The following MAP3K5 variants were observed in gnomAD, a reference collection of about 807,000 sequenced individuals.
MAP3K5 encodes mitogen-activated protein kinase kinase kinase 5.
MAP3K5 carries 56 observed loss-of-function variants against 158.7 expected under a neutral mutation model. The observed-to-expected ratio is 0.35, with a 90% CI of 0.28 to 0.44. MAP3K5 has a LOEUF of 0.44. Ranked by LOEUF, MAP3K5 falls within the 20% of genes least tolerant of loss-of-function variation. The pLI, the probability that MAP3K5 is intolerant of heterozygous loss-of-function variation, is 1.00. For synonymous variants in MAP3K5, 579 were observed against 601.7 expected (o/e 0.96, Z 0.55); for missense variants, 1,294 against 1,674.8 (o/e 0.77, Z 3.97).
intron 1 of MAP3K5, among the ~76,000 whole-genome samples, chr6:136,780,975 C>T (rs1020658759): frequency 1.3e-5 from 2 of 152,028 alleles, no homozygotes; most frequent in Non-Finnish European, 2.9e-5. Context: ...CTTCTTAGTT[C>T]TTCGATACAT....
intron 1 of MAP3K5, among the ~76,000 whole-genome samples, chr6:136,753,965 G>T (rs12664803): frequency 0.36 from 54,774 of 152,106 alleles, 11,995 homozygotes; most frequent in Middle Eastern, 0.48. Context: ...AGTTCAGTTT[G>T]GTGGAAGAGG....
At chr6:136,599,828 G>A (rs983526857) in intron 21 of MAP3K5, among the ~76,000 whole-genome samples, 1 of 152,162 alleles carries the variant, frequency 6.6e-6, no homozygotes, top group Non-Finnish European at 1.5e-5. Context: ...TAGGACACCA[G>A]AAGCAGGCTG....
At chr6:136,606,894 A>G (rs541573670) in intron 18 of MAP3K5, among the ~76,000 whole-genome samples, 7 of 152,220 alleles carry the variant, frequency 4.6e-5, no homozygotes, top group Non-Finnish European at 8.8e-5. Flanking sequence ...GAAATGGACT[A>G]TTGTTTACAA....
chr6:136,612,964 G>A (rs1776408186), intron 17 of MAP3K5, among the ~76,000 whole-genome samples, 156 bp downstream of exon 17: 1 of 152,190 alleles, frequency 6.6e-6, no homozygotes, highest in African/African-American at 2.4e-5. Context: ...ATAAATAACT[G>A]ATTCAGGGTT....
rs775147229 is a variant in MAP3K5 at position 136,659,395 on chromosome 6, A to C, written c.1367-17T>G. The C allele has an allele frequency of 4.3e-6, 7 of 1,612,582 alleles. No individual in the cohort carries two copies. In the South Asian group the frequency reaches 7.7e-5, roughly 18 times the overall value. ...GCTTCACCCCTAGAATACAAACAGG[A>C]AGTAGAATGTTACAAATGCACCCCA... On this transcript the variant is annotated splice_polypyrimidine_tract_variant and intron_variant, in intron 8 of 29. Transcript: ENST00000359015.
intron 25 of MAP3K5, among the ~76,000 whole-genome samples, chr6:136,574,847 G>A (rs1774533930): frequency 6.6e-6 from 1 of 151,600 alleles, no homozygotes; most frequent in Non-Finnish European, 1.5e-5. Context: ...CCGCTACCTC[G>A]CCCGGCTAAT....
At chr6:136,776,147 A>G (rs140173502) in intron 1 of MAP3K5, among the ~76,000 whole-genome samples, 1 of 152,386 alleles carries the variant, frequency 6.6e-6, no homozygotes, top group Non-Finnish European at 1.5e-5. Flanking sequence ...GAGATACATC[A>G]ATATCTTAAT....
chr6:136,786,033 G>A (rs1056979586), intron 1 of MAP3K5, among the ~76,000 whole-genome samples: 1 of 152,134 alleles, frequency 6.6e-6, no homozygotes, highest in African/African-American at 2.4e-5. Flanking sequence ...TCACGGTTCA[G>A]TGTTTTCATA....
At chr6:136,594,232 A>G (rs1417292825) in intron 21 of MAP3K5, among the ~76,000 whole-genome samples, 1 of 152,062 alleles carries the variant, frequency 6.6e-6, no homozygotes, top group African/African-American at 2.4e-5. Context: ...CATTTCACGG[A>G]CCATATTTTG....
At chr6:136,644,106 A>C (rs1260724428) in intron 11 of MAP3K5, among the ~76,000 whole-genome samples, 2 of 152,232 alleles carry the variant, frequency 1.3e-5, no homozygotes, top group Non-Finnish European at 1.5e-5. Context: ...ACAAGACAGC[A>C]CTGGTAAAAC....
At chr6:136,724,076 A>C (rs113301649) in intron 1 of MAP3K5, among the ~76,000 whole-genome samples, 113 of 152,300 alleles carry the variant, frequency 7.4e-4, no homozygotes, top group Non-Finnish European at 1.3e-3. Flanking sequence ...GCTGGAAGAA[A>C]CCAAATAAAA....
Position 136,628,364 on chromosome 6 carries a change from C to T in MAP3K5, c.2017-5383G>A, listed in dbSNP as rs143060167. ...CTGGCCTCAACTGATCCTGCTGCCT[C>T]GGCCTCCCAACCACTGGGAGTACAG... On this transcript the variant is annotated intron_variant, in intron 14 of 29. Transcript: ENST00000359015. Among the ~76,000 whole-genome samples the T allele has an allele frequency of 7.6e-4, 116 of 151,888 alleles. No individual in the cohort carries two copies. In the South Asian group the frequency reaches 7.9e-3, roughly 10 times the overall value.
In MAP3K5 at chr6:136,601,705, T is replaced by C. The variant is rs540816274; in HGVS notation, c.2857+97A>G. On this transcript the variant is annotated intron_variant, in intron 20 of 29. Transcript: ENST00000359015. Reference sequence around the variant, plus strand: ...ATATTTATACCAATTTCCAGTGATATCTGTAAACAGGTTAGTTTACTTCCG... The same window carrying C: ...ATATTTATACCAATTTCCAGTGATACCTGTAAACAGGTTAGTTTACTTCCG... 18 of 1,040,258 alleles carry C rather than the reference T, an allele frequency of 1.7e-5. No homozygotes were observed. In the South Asian group the frequency reaches 2.1e-4, roughly 12 times the overall value. The allele number at this position is 1,040,258 out of a possible 1,614,324, so 64.4% of individuals were successfully genotyped here. A position where few individuals can be genotyped will look rare whatever the true frequency, so the allele number is the denominator to read the frequency against.
chr6:136,681,485 A>C (rs1011287958), intron 7 of MAP3K5, among the ~76,000 whole-genome samples: 7 of 152,128 alleles, frequency 4.6e-5, no homozygotes, highest in Non-Finnish European at 1.0e-4. Context: ...AATTTGAAAA[A>C]TTAGCTGAGT....
chr6:136,669,919 G>GTGTA (rs932441367), intron 7 of MAP3K5, among the ~76,000 whole-genome samples: 1 of 147,412 alleles, frequency 6.8e-6, no homozygotes, highest in African/African-American at 2.5e-5. Context: ...GTGTGTGTGT[G>GTGTA]TACAATAAAC....
At chr6:136,606,028 A>C (rs142148142) in intron 18 of MAP3K5, among the ~76,000 whole-genome samples, 41 of 152,326 alleles carry the variant, frequency 2.7e-4, no homozygotes, top group Non-Finnish European at 5.9e-4. Context: ...TGAGCCATCC[A>C]TATAGACACA....
chr6:136,724,248 CTTT>C (rs1213577934), intron 1 of MAP3K5, among the ~76,000 whole-genome samples: 3 of 134,620 alleles, frequency 2.2e-5, no homozygotes, highest in African/African-American at 2.8e-5. Flanking sequence ...GAGAAACTGA[CTTT>C]TTTTTTTTTT....
intron 20 of MAP3K5, 118 bp from the exon 21 acceptor site, chr6:136,601,160 T>C: frequency 2.4e-6 from 2 of 845,210 alleles, no homozygotes; most frequent in Non-Finnish European, 3.8e-6. Context: ...AAACATTCAA[T>C]CTGCCCATTC....
chr6:136,631,921 G>C (rs1336853458), intron 14 of MAP3K5, among the ~76,000 whole-genome samples: 2 of 152,278 alleles, frequency 1.3e-5, no homozygotes, highest in Middle Eastern at 6.8e-3. Flanking sequence ...GAAGAGCTAG[G>C]CCAGAGGAGT....
Sources: gnomAD v4.1 joint callset for allele counts (sites outside exome capture counted in the v4.1 genomes callset) on GRCh38, gnomAD v4.1.1 for gene constraint, MANE v1.5 for transcripts, NCBI Gene and HGNC (gene_info 2026-07-23, HGNC 2026-07-21) for gene names.